KCNN2: variants seen among roughly 807,000 people sequenced by gnomAD.
The protein encoded by KCNN2 is potassium calcium-activated channel subfamily N member 2.
Under a neutral mutation model 55.5 loss-of-function variants are expected in KCNN2, and 24 were observed. The ratio of observed to expected loss-of-function variants is 0.43; its 90% confidence interval spans 0.31 to 0.61. The LOEUF is 0.61. KCNN2 is among the 20% of genes least tolerant of loss of function. KCNN2 has a pLI of 0.08. For missense variants in KCNN2, 754 were observed against 853.6 expected, an observed-to-expected ratio of 0.88 and a Z score of 1.45; for synonymous variants, 431 against 336.1, an observed-to-expected ratio of 1.28 and a Z score of -3.09.
At chr5:114,446,025 G>A (rs1172864441) in intron 3 of KCNN2, among the ~76,000 whole-genome samples, 2 of 152,204 alleles carry the variant, frequency 1.3e-5, no homozygotes, top group African/African-American at 4.8e-5. Flanking sequence ...TCTTGTGGAT[G>A]TCAGAATTTC....
intron 2 of KCNN2, among the ~76,000 whole-genome samples, chr5:114,262,485 T>C (rs890141077): frequency 6.6e-6 from 1 of 152,190 alleles, no homozygotes; most frequent in African/African-American, 2.4e-5. Context: ...GTCATGAATG[T>C]GGGTTCCTGG....
chr5:114,485,387 G>T (rs554728442), intron 5 of KCNN2, among the ~76,000 whole-genome samples: 1 of 152,184 alleles, frequency 6.6e-6, no homozygotes, highest in South Asian at 2.1e-4. Flanking sequence ...CAACCCCAGG[G>T]ACTGCTGGCC....
chr5:114,333,027 A>G (rs1756852514), intron 2 of KCNN2, among the ~76,000 whole-genome samples: 1 of 152,192 alleles, frequency 6.6e-6, no homozygotes, highest in Non-Finnish European at 1.5e-5. Flanking sequence ...TGTTAACCTT[A>G]GTAGATGCAT....
chr5:114,280,126 T>C (rs1209521355), intron 2 of KCNN2, among the ~76,000 whole-genome samples: 2 of 152,224 alleles, frequency 1.3e-5, no homozygotes, highest in East Asian at 1.9e-4. Flanking sequence ...TCATATCCTT[T>C]GCCCACTTTT....
chr5:114,240,933 C>T (rs1754605555), intron 2 of KCNN2, among the ~76,000 whole-genome samples: 1 of 151,972 alleles, frequency 6.6e-6, no homozygotes, highest in Non-Finnish European at 1.5e-5. Context: ...TTTATTAACT[C>T]TCAGGCAGAT....
chr5:114,116,449 G>A (rs997544026), intron 1 of KCNN2, among the ~76,000 whole-genome samples: 1 of 152,086 alleles, frequency 6.6e-6, no homozygotes, highest in African/African-American at 2.4e-5. Flanking sequence ...TATTAACATT[G>A]ATTTTGTGAT....
chr5:114,302,707 T>C (rs559785779), intron 2 of KCNN2, among the ~76,000 whole-genome samples: 1 of 152,240 alleles, frequency 6.6e-6, no homozygotes, highest in Non-Finnish European at 1.5e-5. Context: ...AGTAGAGCAT[T>C]CTGGAGGGTT....
chr5:114,193,877 T>C (rs766593649), intron 1 of KCNN2, among the ~76,000 whole-genome samples: 1 of 152,164 alleles, frequency 6.6e-6, no homozygotes, highest in African/African-American at 2.4e-5. Flanking sequence ...AACAGCTCTA[T>C]TGAGATATAA....
chr5:114,429,938 T>C (rs766575124), intron 3 of KCNN2, among the ~76,000 whole-genome samples: 6 of 151,678 alleles, frequency 4.0e-5, no homozygotes, highest in Non-Finnish European at 7.4e-5. Flanking sequence ...TGATTATACT[T>C]GTATGAGTGT....
chr5:114,494,229 G>A (rs1396013819), intron 7 of KCNN2, among the ~76,000 whole-genome samples: 1 of 147,928 alleles, frequency 6.8e-6, no homozygotes, highest in South Asian at 2.2e-4. Context: ...TGCTTTGAAA[G>A]AGGCAACTCT....
intron 2 of KCNN2, among the ~76,000 whole-genome samples, chr5:114,291,775 C>T (rs1755894687): frequency 6.6e-6 from 1 of 152,188 alleles, no homozygotes; most frequent in South Asian, 2.1e-4. Flanking sequence ...CACCGACTTC[C>T]ATAATGGTTG....
intron 3 of KCNN2, among the ~76,000 whole-genome samples, chr5:114,455,060 A>G (rs992824482): frequency 1.3e-5 from 2 of 151,316 alleles, no homozygotes; most frequent in Non-Finnish European, 1.5e-5. Context: ...TTATTGAGTT[A>G]TCAGCTATTC....
At chr5:114,175,259 A>G (rs1561509844) in intron 1 of KCNN2, among the ~76,000 whole-genome samples, 1 of 152,202 alleles carries the variant, frequency 6.6e-6, no homozygotes, top group Non-Finnish European at 1.5e-5. Context: ...CTTGCCACGT[A>G]TATGTATTAC....
chr5:114,432,415 CAT>C (rs1347914566), intron 3 of KCNN2, among the ~76,000 whole-genome samples: 1 of 152,216 alleles, frequency 6.6e-6, no homozygotes, highest in Non-Finnish European at 1.5e-5. Flanking sequence ...TTAGTATTAC[CAT>C]GGTATATCAT....
intron 3 of KCNN2, among the ~76,000 whole-genome samples, chr5:114,438,326 A>G (rs900403232): frequency 7.9e-5 from 12 of 152,170 alleles, no homozygotes; most frequent in Non-Finnish European, 1.6e-4. Flanking sequence ...ACTAATTCCC[A>G]TCACTCCATG....
At chr5:114,483,170 G>A (rs112284996) in intron 5 of KCNN2, among the ~76,000 whole-genome samples, 16 of 151,726 alleles carry the variant, frequency 1.1e-4, no homozygotes, top group South Asian at 8.3e-4. Context: ...ACCGTGAGTC[G>A]CAATATAATA....
intron 3 of KCNN2, among the ~76,000 whole-genome samples, chr5:114,461,448 C>T (rs977198930): frequency 6.6e-6 from 1 of 152,122 alleles, no homozygotes; most frequent in African/African-American, 2.4e-5. Context: ...ACATGCCCTT[C>T]CCTTTGATTC....
At chr5:114,175,967 G>A (rs1263165352) in intron 1 of KCNN2, among the ~76,000 whole-genome samples, 1 of 152,158 alleles carries the variant, frequency 6.6e-6, no homozygotes, top group Admixed American at 6.5e-5. Flanking sequence ...GGTTAATATA[G>A]TATTCACATA....
intron 2 of KCNN2, among the ~76,000 whole-genome samples, chr5:114,299,939 C>T (rs1459146962): frequency 6.6e-6 from 1 of 152,042 alleles, no homozygotes; most frequent in African/African-American, 2.4e-5. Context: ...TGCTGGTTAC[C>T]TGTTTATTCA....
Sources: gnomAD v4.1 joint callset for allele counts (sites outside exome capture counted in the v4.1 genomes callset) on GRCh38, gnomAD v4.1.1 for gene constraint, MANE v1.5 for transcripts, NCBI Gene and HGNC (gene_info 2026-07-23, HGNC 2026-07-21) for gene names.